Variants in TSNARE1 observed in about 807,000 individuals in gnomAD.
TSNARE1 encodes the protein t-SNARE domain-containing protein 1.
A neutral mutation model predicts 62.0 loss-of-function variants in TSNARE1; 49 were observed. The observed-to-expected ratio is 0.79, with a 90% CI of 0.63 to 1.00. TSNARE1 has a LOEUF of 1.00. Among genes scored for constraint, TSNARE1 ranks in the 50% least tolerant of loss-of-function variants. The pLI is 0.00. For missense variants in TSNARE1, 755 were observed against 700.1 expected (o/e 1.08, Z -0.88); for synonymous variants, 328 against 294.4 (o/e 1.11, Z -1.17).
intron 4 of TSNARE1, among the ~76,000 whole-genome samples, chr8:142,336,524 C>T (rs1831783228): frequency 6.6e-6 from 1 of 152,056 alleles, no homozygotes; most frequent in South Asian, 2.1e-4. Context: ...TAAGATAAAA[C>T]AATTCTAAGT....
intron 12 of TSNARE1, among the ~76,000 whole-genome samples, chr8:142,260,606 C>T (rs1184153969): frequency 1.3e-5 from 2 of 152,152 alleles, no homozygotes; most frequent in Non-Finnish European, 2.9e-5. Flanking sequence ...GAGCCCCGTT[C>T]CCCTGGAAAG....
At chr8:142,265,017 TTTTG>T (rs1819062450) in intron 12 of TSNARE1, among the ~76,000 whole-genome samples, 1 of 152,218 alleles carries the variant, frequency 6.6e-6, no homozygotes, top group Non-Finnish European at 1.5e-5. Context: ...CAACATAGGT[TTTTG>T]TTTAATTGTA....
rs774560278 is a variant in TSNARE1 at position 142,344,321 on chromosome 8, C to A, written c.390G>T (p.Pro130=). The part of the protein sequence containing the change: ...RAKKRKPNFC[P]QETEVLVSKV... ...TGGACACCAGCACCTCGGTCTCCTG[C>A]GGGCAGAAGTTGGGCTTCCTCTTCT... The change falls in exon 4 of 14, where the codon CCG becomes CCT. Residue 130 remains proline, a synonymous_variant. Transcript: ENST00000524325. 6.3e-7 allele frequency: 1 copy of A among 1,587,516 alleles called. No individual in the cohort carries two copies. The highest frequency in any genetic ancestry group is 1.3e-5 in the African/African-American group (1 of 74,218).
At chr8:142,278,031 G>T (rs1013047237) in intron 11 of TSNARE1, 1 of 985,344 alleles carries the variant, frequency 1.0e-6, no homozygotes, top group Non-Finnish European at 1.2e-6. Flanking sequence ...GCCTCAATGG[G>T]GGTGGATCCA....
intron 11 of TSNARE1, chr8:142,278,647 G>A (rs1563811769): frequency 1.0e-6 from 1 of 985,472 alleles, no homozygotes; most frequent in African/African-American, 1.7e-5. Context: ...CACCCTTGGA[G>A]CCAGTGGCAG....
At chr8:142,285,625 T>A (rs950929139) in intron 10 of TSNARE1, among the ~76,000 whole-genome samples, 2 of 150,246 alleles carry the variant, frequency 1.3e-5, no homozygotes, top group African/African-American at 4.9e-5. Flanking sequence ...GGTGGGTGGG[T>A]GGGTTGGTCA....
In TSNARE1 at chr8:142,378,978, G is replaced by A. The variant is rs374051984; in HGVS notation, c.-40+24126C>T. Reference sequence around the variant, plus strand: ...CTTCCCACCAGCAGGCTCTGTGGTCGCCAAGCTCACAGGGCACTCTCATAG... The same window carrying A: ...CTTCCCACCAGCAGGCTCTGTGGTCACCAAGCTCACAGGGCACTCTCATAG... On this transcript the variant is annotated intron_variant, in intron 1 of 13. Transcript: ENST00000524325. Among the ~76,000 whole-genome samples, 63 of 152,294 alleles carry A rather than the reference G, an allele frequency of 4.1e-4. No homozygotes were observed. In the South Asian group the frequency reaches 7.3e-3, roughly 18 times the overall value.
At chr8:142,272,433 C>T (rs113248639) in intron 12 of TSNARE1, among the ~76,000 whole-genome samples, 3,708 of 63,778 alleles carry the variant, frequency 0.058, 74 homozygotes, top group African/African-American at 0.12. Context: ...CCTATCCACC[C>T]GCCTGTCTAC....
rs566881857 is a variant in TSNARE1, at chr8:142,324,361, G to T, written c.894-5727C>A. ...CCCTCTCCCAGCACTCCTGTGCGAG[G>T]TCTGCACAGCTGCCAGCTCGGCGGC... is the stretch of plus-strand genomic sequence containing the variant. On this transcript the variant is annotated intron_variant, in intron 6 of 13. Coordinates refer to ENST00000524325, the MANE Select transcript of TSNARE1 (RefSeq NM_145003.5). 2.0e-5 allele frequency among the ~76,000 whole-genome samples: 3 copies of T among 152,244 alleles called. No homozygotes were observed. The South Asian group carries it at 6.2e-4, about 32-fold the overall frequency.
At chr8:142,239,760 G>A (rs1209634881) in intron 12 of TSNARE1, among the ~76,000 whole-genome samples, 2 of 152,198 alleles carry the variant, frequency 1.3e-5, no homozygotes, top group African/African-American at 4.8e-5. Context: ...TTCTGAGGGT[G>A]TGTGGGAGAG....
intron 1 of TSNARE1, among the ~76,000 whole-genome samples, chr8:142,395,072 C>T (rs560248870): frequency 1.3e-5 from 2 of 152,336 alleles, no homozygotes; most frequent in East Asian, 3.9e-4. Flanking sequence ...CCACTTCCTG[C>T]TCCTGGCAGG....
intron 12 of TSNARE1, among the ~76,000 whole-genome samples, chr8:142,250,663 TG>T (rs1818117752): frequency 6.6e-6 from 1 of 152,164 alleles, no homozygotes; most frequent in South Asian, 2.1e-4. Context: ...CAACAGGCGC[TG>T]GGGAGCATGG....
intron 10 of TSNARE1, among the ~76,000 whole-genome samples, chr8:142,289,745 T>A (rs976761809): frequency 6.6e-6 from 1 of 152,196 alleles, no homozygotes; most frequent in African/African-American, 2.4e-5. Flanking sequence ...TCTTCCTCCA[T>A]CATGGGAGGC....
At chr8:142,245,803 T>C (rs1231644690) in intron 12 of TSNARE1, among the ~76,000 whole-genome samples, 1 of 152,086 alleles carries the variant, frequency 6.6e-6, no homozygotes, top group Non-Finnish European at 1.5e-5. Context: ...AGTGGTCCTG[T>C]TGGTTCTGGG....
intron 11 of TSNARE1, chr8:142,276,572 C>T (rs950752993): frequency 2.3e-5 from 23 of 985,416 alleles, no homozygotes; most frequent in Non-Finnish European, 2.8e-5. Context: ...GTGGTCTGGG[C>T]TAACACAGGT....
intron 1 of TSNARE1, among the ~76,000 whole-genome samples, chr8:142,359,269 A>G (rs1460373548): frequency 6.6e-6 from 1 of 152,032 alleles, no homozygotes; most frequent in African/African-American, 2.4e-5. Flanking sequence ...GAGCAACGCC[A>G]TGCTCCATAA....
At chr8:142,357,422 C>T (rs915015308) in intron 1 of TSNARE1, among the ~76,000 whole-genome samples, 3 of 152,176 alleles carry the variant, frequency 2.0e-5, no homozygotes, top group African/African-American at 7.2e-5. Flanking sequence ...GCTGGTGGGG[C>T]CAGCCAGGCC....
At chr8:142,295,848 C>A (rs1446547152) in intron 10 of TSNARE1, among the ~76,000 whole-genome samples, 2 of 151,436 alleles carry the variant, frequency 1.3e-5, no homozygotes, top group African/African-American at 4.9e-5. Context: ...CACAGCCCTG[C>A]AGCATGGCTC....
intron 1 of TSNARE1, among the ~76,000 whole-genome samples, chr8:142,392,927 G>A (rs755284446): frequency 8.8e-5 from 13 of 147,626 alleles, no homozygotes; most frequent in African/African-American, 2.0e-4. Context: ...GCGAAACTCC[G>A]TCTCAAAAAA....
Sources: gnomAD v4.1 joint callset for allele counts (sites outside exome capture counted in the v4.1 genomes callset) on GRCh38, gnomAD v4.1.1 for gene constraint, MANE v1.5 for transcripts, NCBI Gene and HGNC (gene_info 2026-07-23, HGNC 2026-07-21) for gene names.